ESRRG: variants seen among roughly 807,000 people sequenced by gnomAD.
The protein encoded by ESRRG is estrogen-related receptor gamma.
ESRRG carries 13 observed loss-of-function variants against 44.0 expected under a neutral mutation model. That is an observed-to-expected ratio of 0.30 (90% confidence interval 0.19 to 0.47). The LOEUF is 0.47. ESRRG is among the 20% of genes least tolerant of loss of function. The pLI is 1.00. For missense variants in ESRRG, 395 were observed against 580.6 expected (o/e 0.68, Z 3.29); for synonymous variants, 215 against 214.6 (o/e 1.00, Z -0.02).
At chr1:216,676,402 GT>G (rs147672373) in intron 2 of ESRRG, among the ~76,000 whole-genome samples, 7,069 of 151,720 alleles carry the variant, frequency 0.047, 546 homozygotes, top group African/African-American at 0.16. Context: ...AATTTGGAAG[GT>G]TTTTTTTAAT....
intron 3 of ESRRG, among the ~76,000 whole-genome samples, chr1:216,624,909 C>T (rs1330909001): frequency 6.6e-6 from 1 of 152,108 alleles, no homozygotes; most frequent in Non-Finnish European, 1.5e-5. Flanking sequence ...AGTTTCTACT[C>T]TCAATTTCCT....
intron 1 of ESRRG, among the ~76,000 whole-genome samples, chr1:217,005,211 T>A (rs2077566633): frequency 6.6e-6 from 1 of 152,296 alleles, no homozygotes; most frequent in South Asian, 2.1e-4. Flanking sequence ...CCCCTATTAC[T>A]TCCTCCAAGG....
chr1:216,653,178 T>C (rs563854042), intron 2 of ESRRG, among the ~76,000 whole-genome samples: 1 of 152,288 alleles, frequency 6.6e-6, no homozygotes, highest in Non-Finnish European at 1.5e-5. Flanking sequence ...CCACTTCCTC[T>C]TTGAAAACTG....
chr1:216,936,977 C>T (rs1489551690), intron 2 of ESRRG, among the ~76,000 whole-genome samples: 2 of 152,054 alleles, frequency 1.3e-5, no homozygotes, highest in Admixed American at 6.6e-5. Flanking sequence ...CTCAAGCCAT[C>T]CTGAAACATC....
At chr1:217,092,873 A>G (rs528341773), upstream of ESRRG, among the ~76,000 whole-genome samples, 1 of 152,328 alleles carries the variant, frequency 6.6e-6, no homozygotes, top group African/African-American at 2.4e-5. Context: ...TTTATGTAGC[A>G]AAAGTGTTAT....
At chr1:216,623,248 A>T (rs2062612225) in intron 3 of ESRRG, among the ~76,000 whole-genome samples, 1 of 151,950 alleles carries the variant, frequency 6.6e-6, no homozygotes, top group Non-Finnish European at 1.5e-5. Context: ...ACGCCCGGCT[A>T]ATTTTTGTAT....
At chr1:216,754,683 C>G (rs973533750) in intron 2 of ESRRG, among the ~76,000 whole-genome samples, 3 of 149,026 alleles carry the variant, frequency 2.0e-5, no homozygotes, top group Non-Finnish European at 3.0e-5. Flanking sequence ...GTCAGTACAA[C>G]CAGGCAAAAG....
intron 5 of ESRRG, 29 bp from the exon 6 acceptor site, chr1:216,519,450 A>C (rs772225656): frequency 1.3e-6 from 2 of 1,577,726 alleles, no homozygotes; most frequent in Non-Finnish European, 1.7e-6. Context: ...AGATCAAGTT[A>C]CTTTAAAGCC....
At chr1:216,921,809 C>T (rs527939612) in intron 2 of ESRRG, among the ~76,000 whole-genome samples, 1 of 152,292 alleles carries the variant, frequency 6.6e-6, no homozygotes, top group African/African-American at 2.4e-5. Context: ...ATTTTATTCC[C>T]TGCTGCATCT....
At chr1:216,770,015 A>G (rs910476966) in intron 2 of ESRRG, among the ~76,000 whole-genome samples, 3 of 152,110 alleles carry the variant, frequency 2.0e-5, no homozygotes, top group African/African-American at 7.2e-5. Context: ...CAAACAAGGA[A>G]AACTGAGAAG....
intron 2 of ESRRG, among the ~76,000 whole-genome samples, chr1:216,808,817 A>AAAT (rs770893182): frequency 1.3e-3 from 195 of 152,322 alleles, no homozygotes; most frequent in Admixed American, 2.9e-3. Context: ...CTCCCAGCTC[A>AAAT]GGTCCCAATT....
chr1:217,043,060 C>G (rs2151149657), intron 1 of ESRRG, among the ~76,000 whole-genome samples: 1 of 152,258 alleles, frequency 6.6e-6, no homozygotes, highest in South Asian at 2.1e-4. Flanking sequence ...TTGCTTCCAG[C>G]TCCAGTGCAA....
At chr1:216,650,173 G>A (rs903171321) in intron 3 of ESRRG, among the ~76,000 whole-genome samples, 2 of 152,058 alleles carry the variant, frequency 1.3e-5, no homozygotes, top group South Asian at 2.1e-4. Flanking sequence ...TCTAAATGCA[G>A]CATGTAAAAT....
At chr1:216,755,507 G>A (rs959109484) in intron 2 of ESRRG, among the ~76,000 whole-genome samples, 2 of 151,938 alleles carry the variant, frequency 1.3e-5, no homozygotes, top group Non-Finnish European at 2.9e-5. Flanking sequence ...AAATAGCTTT[G>A]TTATATTCAA....
chr1:216,675,636 G>A (rs1292107065), intron 2 of ESRRG, among the ~76,000 whole-genome samples: 1 of 152,122 alleles, frequency 6.6e-6, no homozygotes, highest in Admixed American at 6.5e-5. Flanking sequence ...ATTTGAATTA[G>A]CATCAGGATT....
At chr1:216,775,551 CTTTTTTTTTTTTTTTTTTTT>C (rs71163765) in intron 2 of ESRRG, among the ~76,000 whole-genome samples, 52 of 74,830 alleles carry the variant, frequency 6.9e-4, no homozygotes, top group Admixed American at 2.0e-3. Context: ...AATGTCACAT[CTTTTTTTTTTTTTTTTTTTT>C]TTTTTTTTTT....
chr1:216,765,726 A>T (rs1349650527), intron 2 of ESRRG, among the ~76,000 whole-genome samples: 1 of 152,124 alleles, frequency 6.6e-6, no homozygotes, highest in South Asian at 2.1e-4. Context: ...CTGGAGAGAG[A>T]CAAGAAACCC....
chr1:216,576,356 A>G (rs1375030011), intron 3 of ESRRG, among the ~76,000 whole-genome samples: 1 of 149,934 alleles, frequency 6.7e-6, no homozygotes, highest in East Asian at 2.0e-4. Context: ...TTTTTTAAAC[A>G]GAGTCCTCAG....
chr1:216,891,444 A>G, intron 2 of ESRRG, among the ~76,000 whole-genome samples: 1 of 152,076 alleles, frequency 6.6e-6, no homozygotes, highest in East Asian at 1.9e-4. Flanking sequence ...GTGCATATGC[A>G]CACACGTGCA....
Sources: allele counts gnomAD v4.1 joint callset (sites outside exome capture counted in the v4.1 genomes callset), GRCh38; gene constraint gnomAD v4.1.1; transcripts MANE v1.5; gene names NCBI Gene and HGNC (gene_info 2026-07-23, HGNC 2026-07-21).